Variants in PLOD2 observed in about 807,000 individuals in gnomAD.
The protein encoded by PLOD2 is procollagen-lysine,2-oxoglutarate 5-dioxygenase 2.
Under a neutral mutation model 101.0 loss-of-function variants are expected in PLOD2, and 65 were observed. The ratio of observed to expected loss-of-function variants is 0.64; its 90% confidence interval spans 0.53 to 0.79. PLOD2 has a LOEUF of 0.79. PLOD2 is among the 30% of genes least tolerant of loss of function. The pLI, the probability that PLOD2 is intolerant of heterozygous loss-of-function variation, is 0.00. For synonymous variants in PLOD2, 314 were observed against 302.9 expected, an observed-to-expected ratio of 1.04 and a Z score of -0.38; for missense variants, 909 against 914.6, an observed-to-expected ratio of 0.99 and a Z score of 0.08.
At chr3:146,103,921 A>C (rs1203910105) in intron 6 of PLOD2, among the ~76,000 whole-genome samples, 1 of 152,016 alleles carries the variant, frequency 6.6e-6, no homozygotes, top group African/African-American at 2.4e-5. Flanking sequence ...GCTGGGTCAA[A>C]AGGATCTACT....
chr3:146,071,344 C>T lies in PLOD2; in HGVS notation c.1928G>A (p.Trp643Ter). The T allele has an allele frequency of 6.2e-7, 1 of 1,612,126 alleles. No homozygotes were observed. The highest frequency in any genetic ancestry group is 8.5e-7 in the Non-Finnish European group (1 of 1,178,750). The change falls in exon 18 of 20, where the codon TGG (tryptophan) becomes TAG (stop). Residue 643 changes from tryptophan (W) to a stop codon, truncating the protein, a stop_gained. Coordinates refer to ENST00000282903, the MANE Select transcript of PLOD2 (RefSeq NM_182943.3). LOFTEE classifies it high-confidence loss of function. ...AATGAACTCCCGGATAAAATGAAGCCATACATTCTCCAGATCAACTTGCTT... is the reference window on the plus strand; with the variant it reads ...AATGAACTCCCGGATAAAATGAAGCTATACATTCTCCAGATCAACTTGCTT... Reference protein sequence around the residue: ...HMKQVDLENVWLHFIREFIAP... With the variant: ...HMKQVDLENV
chr3:146,151,560 A>T lies in PLOD2; in HGVS notation c.109+9321T>A, dbSNP rs555874108. On this transcript the variant is annotated intron_variant, in intron 1 of 19. Coordinates refer to ENST00000282903, the MANE Select transcript of PLOD2 (RefSeq NM_182943.3). Reference sequence around the variant, plus strand: ...TGTAAGGATCACAAATTACAAGTAAAATCTGACGAGGCTCAAGAATCGGCT... The same window carrying T: ...TGTAAGGATCACAAATTACAAGTAATATCTGACGAGGCTCAAGAATCGGCT... 1.1e-4 allele frequency among the ~76,000 whole-genome samples: 17 copies of T among 152,322 alleles called. No homozygotes were observed. In the South Asian group the frequency reaches 2.3e-3, roughly 20 times the overall value.
At position 146,157,536 on chromosome 3, in the gene PLOD2, T is replaced by C. The variant is rs187114558; in HGVS notation, c.109+3345A>G. ...CTAGGATTACAGGACATGCGGATTC[T>C]CAATTCCAGTAGATATTATTAAATT... On this transcript the variant is annotated intron_variant, in intron 1 of 19. Transcript: ENST00000282903. 1.2e-3 allele frequency among the ~76,000 whole-genome samples: 184 copies of C among 152,308 alleles called. 4 individuals carry two copies. The East Asian group carries it at 0.032, about 27-fold the overall frequency.
intron 3 of PLOD2, among the ~76,000 whole-genome samples, chr3:146,120,734 A>G (rs1021848949): frequency 6.6e-6 from 1 of 151,774 alleles, no homozygotes; most frequent in East Asian, 1.9e-4. Flanking sequence ...CTTGTCAATA[A>G]TTTTTTTTTG....
At chr3:146,077,210 T>G (rs546457313) in intron 14 of PLOD2, 6 of 1,021,528 alleles carry the variant, frequency 5.9e-6, no homozygotes, top group Non-Finnish European at 7.0e-6. Context: ...AAAGCAGAAA[T>G]ATTTTTGAGA....
intron 10 of PLOD2, chr3:146,086,295 C>A (rs1344182606): frequency 6.6e-6 from 1 of 152,220 alleles, no homozygotes; most frequent in East Asian, 1.9e-4. Context: ...TTTACTATTA[C>A]TAGAGTTTTA....
At chr3:146,111,057 C>T (rs910402574) in intron 3 of PLOD2, among the ~76,000 whole-genome samples, 2 of 152,042 alleles carry the variant, frequency 1.3e-5, no homozygotes, top group Non-Finnish European at 2.9e-5. Context: ...TAAAAACTGA[C>T]ACTATAATTT....
At chr3:146,102,577 TTTGA>T (rs778525020) in intron 7 of PLOD2, among the ~76,000 whole-genome samples, 174 bp downstream of exon 7, 1 of 152,094 alleles carries the variant, frequency 6.6e-6, no homozygotes, top group Non-Finnish European at 1.5e-5. Context: ...GAAAAATCAG[TTTGA>T]TTAATTAATT....
intron 1 of PLOD2, among the ~76,000 whole-genome samples, chr3:146,144,549 T>C (rs2031681652): frequency 6.6e-6 from 1 of 152,126 alleles, no homozygotes; most frequent in South Asian, 2.1e-4. Context: ...CCTATAAAAA[T>C]AGGTAAAAAT....
intron 8 of PLOD2, among the ~76,000 whole-genome samples, chr3:146,090,147 A>T (rs1426060998): frequency 6.6e-6 from 1 of 151,026 alleles, no homozygotes; most frequent in African/African-American, 2.4e-5. Flanking sequence ...TGTGGGTAAA[A>T]TTTCATTTAA....
At chr3:146,129,597 C>T (rs561761809) in intron 1 of PLOD2, among the ~76,000 whole-genome samples, 63 of 152,056 alleles carry the variant, frequency 4.1e-4, no homozygotes, top group Admixed American at 1.0e-3. Flanking sequence ...ATAAAGCAGT[C>T]GACACAAACT....
chr3:146,070,563 T>A lies in PLOD2; in HGVS notation c.*154A>T, dbSNP rs532990988. On this transcript the variant is annotated 3_prime_UTR_variant, in exon 20 of 20. Coordinates refer to ENST00000282903, the MANE Select transcript of PLOD2 (RefSeq NM_182943.3). Reference sequence around the variant, plus strand: ...ACATTAAGAAATATCAAACAATTTTTTATAAAAAGTTTTTCAAATGTTTGG... The same window carrying A: ...ACATTAAGAAATATCAAACAATTTTATATAAAAAGTTTTTCAAATGTTTGG... The A allele has an allele frequency of 9.1e-4, 509 of 557,548 alleles. 2 individuals carry two copies. Among genetic ancestry groups the A allele is most frequent in the African/African-American group, 9.0e-3 (471 of 52,418 alleles). The allele number at this position is 557,548 out of a possible 1,614,324, so 34.5% of individuals were successfully genotyped here.
chr3:146,094,857 T>G (rs1937096206), intron 7 of PLOD2, among the ~76,000 whole-genome samples: 1 of 152,154 alleles, frequency 6.6e-6, no homozygotes, highest in African/African-American at 2.4e-5. Context: ...AGCAAGGTAC[T>G]GGTAACAAAA....
chr3:146,128,800 T>A (rs1038025963), intron 1 of PLOD2, among the ~76,000 whole-genome samples: 1 of 151,032 alleles, frequency 6.6e-6, no homozygotes, highest in Non-Finnish European at 1.5e-5. Flanking sequence ...AAACAAACCA[T>A]GGTTTTAAAA....
chr3:146,110,255 A>T (rs1229011072), intron 4 of PLOD2, 30 bp downstream of exon 4: 1 of 1,601,270 alleles, frequency 6.2e-7, no homozygotes, highest in East Asian at 2.2e-5. Flanking sequence ...TATAACTTGC[A>T]TTAAACTTTT....
At chr3:146,095,522 C>A (rs1937118237) in intron 7 of PLOD2, among the ~76,000 whole-genome samples, 1 of 152,116 alleles carries the variant, frequency 6.6e-6, no homozygotes, top group Non-Finnish European at 1.5e-5. Context: ...CCATCTCATG[C>A]CAGTTAGAAT....
At chr3:146,110,965 G>A (rs556222772) in intron 3 of PLOD2, among the ~76,000 whole-genome samples, 13 of 152,186 alleles carry the variant, frequency 8.5e-5, no homozygotes, top group Admixed American at 3.9e-4. Flanking sequence ...AAATAAGTGC[G>A]TTCAGACAAC....
At chr3:146,073,924 T>C (rs923935879) in intron 15 of PLOD2, among the ~76,000 whole-genome samples, 3 of 151,646 alleles carry the variant, frequency 2.0e-5, no homozygotes, top group African/African-American at 7.3e-5. Context: ...TTTGATTTTT[T>C]AAATGAGTTT....
chr3:146,124,753 A>AT (rs1175850092), intron 1 of PLOD2, among the ~76,000 whole-genome samples: 3 of 152,048 alleles, frequency 2.0e-5, no homozygotes, highest in African/African-American at 4.8e-5. Flanking sequence ...CAAAATCTTA[A>AT]TTTTTTTCTC....
Sources: allele counts gnomAD v4.1 joint callset (sites outside exome capture counted in the v4.1 genomes callset), GRCh38; gene constraint gnomAD v4.1.1; transcripts MANE v1.5; gene names NCBI Gene and HGNC (gene_info 2026-07-23, HGNC 2026-07-21).